TTC28: variants seen among roughly 807,000 people sequenced by gnomAD.
TTC28 encodes the protein tetratricopeptide repeat protein 28.
Under a neutral mutation model 198.0 loss-of-function variants are expected in TTC28, and 61 were observed. The observed-to-expected ratio is 0.31, with a 90% CI of 0.25 to 0.38. TTC28 has a LOEUF of 0.38. TTC28 is among the 10% of genes least tolerant of loss of function. TTC28 has a pLI of 1.00. For missense variants in TTC28, 2,678 were observed against 3,164.0 expected (o/e 0.85, Z 3.69); for synonymous variants, 1,171 against 1,297.8 (o/e 0.90, Z 2.10).
intron 6 of TTC28, among the ~76,000 whole-genome samples, chr22:28,138,010 CGTT>C (rs1012052102): frequency 6.6e-6 from 1 of 151,806 alleles, no homozygotes; most frequent in African/African-American, 2.4e-5. Flanking sequence ...AGCGAAACTC[CGTT>C]GTTGTTTTTT....
chr22:28,339,848 C>T (rs5752725), intron 2 of TTC28, among the ~76,000 whole-genome samples: 30 of 152,088 alleles, frequency 2.0e-4, no homozygotes, highest in East Asian at 1.2e-3. Context: ...CTGCGTGAGG[C>T]GACGCCTCAC....
At chr22:28,472,442 G>A (rs962762806) in intron 2 of TTC28, among the ~76,000 whole-genome samples, 5 of 151,772 alleles carry the variant, frequency 3.3e-5, no homozygotes, top group East Asian at 1.9e-4. Context: ...TGTCCTGGGT[G>A]GTATTAATAG....
chr22:28,262,609 A>C lies in TTC28; in HGVS notation c.933+33589T>G, dbSNP rs74444470. Among the ~76,000 whole-genome samples the C allele has an allele frequency of 8.6e-3, 1,313 of 152,264 alleles. 15 individuals are homozygous for C. The highest frequency in any genetic ancestry group is 0.03 in the African/African-American group (1,241 of 41,556). ...TTCCCCTGTGATACAATCAACTATG[A>C]GATTTCTGTCTTAAAATGAAAAAAT... On this transcript the variant is annotated intron_variant, in intron 5 of 22. Transcript: ENST00000397906.
At chr22:28,431,658 C>T (rs1352469166) in intron 2 of TTC28, among the ~76,000 whole-genome samples, 1 of 152,146 alleles carries the variant, frequency 6.6e-6, no homozygotes, top group African/African-American at 2.4e-5. Flanking sequence ...TCCATATTTT[C>T]ATCTTGTTTC....
At chr22:28,573,328 G>A (rs940851407) in intron 2 of TTC28, among the ~76,000 whole-genome samples, 8 of 150,418 alleles carry the variant, frequency 5.3e-5, no homozygotes, top group African/African-American at 9.8e-5. Context: ...GGTGGCATGC[G>A]TGTAGTCCCA....
At chr22:28,618,565 C>T (rs571994271) in intron 2 of TTC28, among the ~76,000 whole-genome samples, 1 of 151,634 alleles carries the variant, frequency 6.6e-6, no homozygotes, top group South Asian at 2.1e-4. Flanking sequence ...GCCTGTAATC[C>T]CAGCTACTGG....
chr22:28,544,636 A>T (rs117166877), intron 2 of TTC28, among the ~76,000 whole-genome samples: 95 of 152,286 alleles, frequency 6.2e-4, no homozygotes, highest in Non-Finnish European at 1.1e-3. Context: ...CAAGACACGG[A>T]TCACAAAGAC....
intron 5 of TTC28, among the ~76,000 whole-genome samples, chr22:28,191,662 G>T (rs988725777): frequency 2.0e-5 from 3 of 152,346 alleles, no homozygotes; most frequent in Admixed American, 1.3e-4. Flanking sequence ...TGGCTCAGAG[G>T]GTCCTATGCC....
At chr22:28,175,366 A>G (rs1329007263) in intron 5 of TTC28, among the ~76,000 whole-genome samples, 1 of 152,238 alleles carries the variant, frequency 6.6e-6, no homozygotes, top group Non-Finnish European at 1.5e-5. Flanking sequence ...TATACACCTG[A>G]TAAGGGGTTA....
intron 2 of TTC28, among the ~76,000 whole-genome samples, chr22:28,379,836 C>T (rs2046468370): frequency 6.6e-6 from 1 of 152,010 alleles, no homozygotes; most frequent in Non-Finnish European, 1.5e-5. Flanking sequence ...ACTTCAGCAA[C>T]AGCAGGCCTT....
chr22:28,108,140 C>T lies in TTC28; in HGVS notation c.1705G>A (p.Ala569Thr). 6.4e-7 allele frequency: 1 copy of T among 1,551,692 alleles called. No individual in the cohort carries two copies. The highest frequency in any genetic ancestry group is 2.0e-5 in the Admixed American group (1 of 51,012). Residue 569 changes from alanine to threonine, a missense_variant, in exon 7 of 23, where the codon GCC (alanine) becomes ACC (threonine). Ala to Thr is a moderately conservative substitution (Grantham distance 58). Coordinates refer to ENST00000397906, the MANE Select transcript of TTC28 (RefSeq NM_001145418.2). ...TAGTGTTGCAGGGCCCGGTCATGGG[C>T]ACCCAGGGCCTGGTAGGCCACGGCA... ...NLAVAYQALG[A>T]HDRALQHYQN...
At chr22:28,295,477 A>C (rs184220318) in intron 5 of TTC28, among the ~76,000 whole-genome samples, 69 of 152,314 alleles carry the variant, frequency 4.5e-4, no homozygotes, top group Non-Finnish European at 7.8e-4. Context: ...TAATCCTACC[A>C]CAACTGTGTT....
At chr22:28,362,260 A>C (rs2046170940) in intron 2 of TTC28, among the ~76,000 whole-genome samples, 1 of 151,960 alleles carries the variant, frequency 6.6e-6, no homozygotes, top group Non-Finnish European at 1.5e-5. Context: ...GTCTCATGAG[A>C]TCTGATGGTT....
intron 5 of TTC28, among the ~76,000 whole-genome samples, chr22:28,258,178 G>A (rs551497858): frequency 3.9e-5 from 6 of 152,218 alleles, no homozygotes; most frequent in African/African-American, 1.2e-4. Flanking sequence ...CTTTTGATGC[G>A]TAATTTGTTC....
At chr22:28,670,396 T>A (rs978500103) in intron 1 of TTC28, among the ~76,000 whole-genome samples, 3 of 152,164 alleles carry the variant, frequency 2.0e-5, no homozygotes, top group Non-Finnish European at 4.4e-5. Context: ...TATGCATTTG[T>A]CTATGCTTAA....
chr22:28,089,993 T>C (rs1272229361), intron 12 of TTC28, among the ~76,000 whole-genome samples: 1 of 151,738 alleles, frequency 6.6e-6, no homozygotes, highest in East Asian at 2.0e-4. Flanking sequence ...AAGGATAGCA[T>C]TAGGAGATAT....
chr22:28,079,227 G>A (rs1030365003), intron 12 of TTC28, among the ~76,000 whole-genome samples: 8 of 152,214 alleles, frequency 5.3e-5, no homozygotes, highest in African/African-American at 1.9e-4. Flanking sequence ...ATGAGAGGGA[G>A]AAGGAGAAGA....
At chr22:28,007,032 T>C (rs1264135580) in intron 14 of TTC28, 1 of 151,952 alleles carries the variant, frequency 6.6e-6, no homozygotes, top group Non-Finnish European at 1.5e-5. Context: ...CTGATCACCA[T>C]GGGGGAGGGA....
intron 2 of TTC28, among the ~76,000 whole-genome samples, chr22:28,311,425 A>G (rs2045254625): frequency 6.6e-6 from 1 of 152,206 alleles, no homozygotes; most frequent in South Asian, 2.1e-4. Flanking sequence ...TATACAAAAC[A>G]ACTTTGTTCA....
Sources: gnomAD v4.1 joint callset for allele counts (sites outside exome capture counted in the v4.1 genomes callset) on GRCh38, gnomAD v4.1.1 for gene constraint, MANE v1.5 for transcripts, NCBI Gene and HGNC (gene_info 2026-07-23, HGNC 2026-07-21) for gene names.